The following METTL25 variants were observed in gnomAD, a reference collection of about 807,000 sequenced individuals.
METTL25 encodes methyltransferase like 25.
A neutral mutation model predicts 71.6 loss-of-function variants in METTL25; 64 were observed. The observed-to-expected ratio is 0.89, with a 90% CI of 0.73 to 1.10. The LOEUF (loss-of-function observed/expected upper bound fraction) is 1.10. Among genes scored for constraint, METTL25 ranks in the 50% least tolerant of loss-of-function variants. The pLI is 0.00. For synonymous variants in METTL25, 287 were observed against 250.3 expected (o/e 1.15, Z -1.38); for missense variants, 807 against 707.0 (o/e 1.14, Z -1.60).
intron 5 of METTL25, among the ~76,000 whole-genome samples, chr12:82,429,414 T>C (rs1889313046): frequency 6.6e-6 from 1 of 151,476 alleles, no homozygotes; most frequent in Non-Finnish European, 1.5e-5. Context: ...CTCTATTGTG[T>C]ATATACCACA....
intron 1 of METTL25, among the ~76,000 whole-genome samples, chr12:82,362,592 C>G (rs1358715941): frequency 6.6e-6 from 1 of 152,186 alleles, no homozygotes; most frequent in Non-Finnish European, 1.5e-5. Flanking sequence ...GACATCCTCA[C>G]ATAAAACTTG....
At chr12:82,394,794 G>A (rs1342937532) in intron 3 of METTL25, among the ~76,000 whole-genome samples, 1 of 151,954 alleles carries the variant, frequency 6.6e-6, no homozygotes, top group Admixed American at 6.6e-5. Flanking sequence ...TTTTGATACA[G>A]AGGGGAAGGT....
chr12:82,395,663 T>G (rs1368811622), intron 3 of METTL25, among the ~76,000 whole-genome samples: 3 of 152,078 alleles, frequency 2.0e-5, no homozygotes, highest in Non-Finnish European at 1.5e-5. Flanking sequence ...TAACCACTGC[T>G]TGTAACAATG....
At chr12:82,387,050 ATAT>A (rs770876762) in intron 2 of METTL25, 83 bp downstream of exon 2, 4 of 1,114,662 alleles carry the variant, frequency 3.6e-6, no homozygotes, top group Non-Finnish European at 3.8e-6. Flanking sequence ...TCTTTCCAAA[ATAT>A]TATTAATTTA....
At chr12:82,358,847 C>A (rs766758733) in intron 1 of METTL25, 23 bp downstream of exon 1, 3 of 1,462,206 alleles carry the variant, frequency 2.1e-6, no homozygotes, top group East Asian at 2.4e-5. Context: ...GTAGGCGGGG[C>A]GGGAAGGGAG....
intron 10 of METTL25, 38 bp downstream of exon 10, chr12:82,476,756 T>C (rs765512372): frequency 7.5e-7 from 1 of 1,336,066 alleles, no homozygotes; most frequent in Non-Finnish European, 1.0e-6. Flanking sequence ...TTGGATATGT[T>C]GCTAGACTTG....
At chr12:82,371,607 T>C (rs1281186373) in intron 1 of METTL25, among the ~76,000 whole-genome samples, 6 of 152,174 alleles carry the variant, frequency 3.9e-5, no homozygotes, top group Non-Finnish European at 8.8e-5. Context: ...TTGTTCCCTA[T>C]TATAGAACAC....
chr12:82,432,714 C>A (rs1285803395), intron 6 of METTL25, among the ~76,000 whole-genome samples: 1 of 151,438 alleles, frequency 6.6e-6, no homozygotes, highest in African/African-American at 2.4e-5. Flanking sequence ...TAGCTCCATC[C>A]CAACCCATGT....
chr12:82,460,984 C>A (rs1003143326), intron 9 of METTL25, among the ~76,000 whole-genome samples: 29 of 152,026 alleles, frequency 1.9e-4, no homozygotes, highest in Middle Eastern at 3.4e-3. Flanking sequence ...TCTACTAAAA[C>A]TACAAAAAAT....
chr12:82,449,523 G>T (rs1020657958), intron 8 of METTL25, among the ~76,000 whole-genome samples: 3 of 151,996 alleles, frequency 2.0e-5, no homozygotes, highest in Non-Finnish European at 4.4e-5. Context: ...CCCTATTTCT[G>T]CCATCCTTTC....
intron 1 of METTL25, among the ~76,000 whole-genome samples, chr12:82,382,240 G>C (rs991003539): frequency 1.3e-5 from 2 of 152,168 alleles, no homozygotes; most frequent in African/African-American, 4.8e-5. Context: ...ATAATTAAGA[G>C]GACACTGTTG....
intron 8 of METTL25, among the ~76,000 whole-genome samples, chr12:82,453,144 G>C (rs891629585): frequency 6.6e-6 from 1 of 152,274 alleles, no homozygotes; most frequent in Non-Finnish European, 1.5e-5. Context: ...GACTTGGGAA[G>C]AACAAATCCC....
chr12:82,367,813 G>A (rs1174411039), intron 1 of METTL25, among the ~76,000 whole-genome samples: 2 of 151,976 alleles, frequency 1.3e-5, no homozygotes, highest in Admixed American at 6.6e-5. Flanking sequence ...GCTGGAACTT[G>A]GCTACTAATA....
intron 9 of METTL25, among the ~76,000 whole-genome samples, chr12:82,470,145 A>C (rs540165817): frequency 3.9e-5 from 6 of 152,316 alleles, no homozygotes; most frequent in African/African-American, 1.2e-4. Context: ...AGGATTTAAA[A>C]ATCAAATCTG....
chr12:82,434,963 T>C (rs1889808597), intron 7 of METTL25, among the ~76,000 whole-genome samples: 1 of 151,598 alleles, frequency 6.6e-6, no homozygotes, highest in Non-Finnish European at 1.5e-5. Context: ...CTTTGTATTA[T>C]ACTAAACAGT....
intron 1 of METTL25, among the ~76,000 whole-genome samples, chr12:82,372,858 A>C (rs1232113354): frequency 2.0e-5 from 3 of 152,104 alleles, no homozygotes; most frequent in Admixed American, 2.0e-4. Flanking sequence ...GCACTCGCCG[A>C]CGTAGCAGCA....
chr12:82,392,007 C>G (rs539240609), intron 3 of METTL25, among the ~76,000 whole-genome samples: 1 of 151,370 alleles, frequency 6.6e-6, no homozygotes, highest in Admixed American at 6.6e-5. Context: ...TTTTCATATA[C>G]CTGTTGGCCA....
chr12:82,373,532 T>C (rs1178395876), intron 1 of METTL25, among the ~76,000 whole-genome samples: 3 of 152,126 alleles, frequency 2.0e-5, no homozygotes, highest in African/African-American at 4.8e-5. Context: ...GAAGCGGGAC[T>C]AGCCTTGGAG....
intron 1 of METTL25, among the ~76,000 whole-genome samples, chr12:82,379,019 G>A (rs1299836851): frequency 2.0e-5 from 3 of 152,140 alleles, no homozygotes; most frequent in African/African-American, 7.2e-5. Context: ...GCAACAGAGT[G>A]AGACCTTTTC....
Sources: allele counts gnomAD v4.1 joint callset (sites outside exome capture counted in the v4.1 genomes callset), GRCh38; gene constraint gnomAD v4.1.1; transcripts MANE v1.5; gene names NCBI Gene and HGNC (gene_info 2026-07-23, HGNC 2026-07-21).